Variants in EEFSEC observed in about 807,000 individuals in gnomAD.
EEFSEC encodes eukaryotic elongation factor, selenocysteine-tRNA specific.
EEFSEC carries 43 observed loss-of-function variants against 42.1 expected under a neutral mutation model. The observed-to-expected ratio is 1.02, with a 90% CI of 0.80 to 1.32. The LOEUF is 1.32. Ranked by LOEUF, EEFSEC falls within the 40% of genes most tolerant of loss-of-function variation. The pLI, the probability that EEFSEC is intolerant of heterozygous loss-of-function variation, is 0.00. For synonymous variants in EEFSEC, 354 were observed against 339.1 expected, an observed-to-expected ratio of 1.04 and a Z score of -0.48; for missense variants, 745 against 803.6, an observed-to-expected ratio of 0.93 and a Z score of 0.88.
intron 1 of EEFSEC, among the ~76,000 whole-genome samples, chr3:128,158,308 A>G (rs891335274): frequency 1.3e-5 from 2 of 152,252 alleles, no homozygotes; most frequent in African/African-American, 4.8e-5. Context: ...AGGATTTAGA[A>G]TATTACATAA....
intron 5 of EEFSEC, among the ~76,000 whole-genome samples, chr3:128,342,312 T>G (rs1240983890): frequency 1.3e-5 from 2 of 152,256 alleles, no homozygotes; most frequent in Non-Finnish European, 2.9e-5. Flanking sequence ...TCCATCCAGC[T>G]GGGATCTGCC....
intron 4 of EEFSEC, among the ~76,000 whole-genome samples, chr3:128,301,797 T>C (rs548931920): frequency 3.3e-5 from 5 of 152,136 alleles, no homozygotes; most frequent in African/African-American, 9.6e-5. Flanking sequence ...GACTTACACA[T>C]GTCGCAACAT....
chr3:128,264,598 A>G lies in EEFSEC; in HGVS notation c.622-19A>G. 1 of 1,611,668 alleles carries G rather than the reference A, an allele frequency of 6.2e-7. No individual in the cohort carries two copies. Among genetic ancestry groups the G allele is most frequent in the Non-Finnish European group, 8.5e-7 (1 of 1,178,586 alleles). ...GGCTCCTCTCCCCACGGACTGTGGC[A>G]CCAGTTTCTCTTTTCTAGCTCCTGA... On this transcript the variant is annotated intron_variant, in intron 3 of 6. Transcript: ENST00000254730.
rs538457285 is a variant in EEFSEC at position 128,341,387 on chromosome 3, C to T, written c.941C>T (p.Ala314Val). The change falls in exon 5 of 7, where the codon GCG becomes GTG. Residue 314 changes from alanine (A) to valine (V), a missense_variant. Coordinates refer to ENST00000254730, the MANE Select transcript of EEFSEC (RefSeq NM_021937.5). Reference sequence around the variant, plus strand: ...CCCGAGTCCCTGCACACTGTCCATGCGGCCCTCATCTCTGTGGAAAAGATA... The same window carrying T: ...CCCGAGTCCCTGCACACTGTCCATGTGGCCCTCATCTCTGTGGAAAAGATA... ...CAPESLHTVH[A>V]ALISVEKIPY... 1.2e-5 allele frequency: 20 copies of T among 1,614,174 alleles called. No individual in the cohort carries two copies. The East Asian group carries it at 1.3e-4, about 11-fold the overall frequency.
At chr3:128,228,240 G>A (rs2065927177) in intron 1 of EEFSEC, among the ~76,000 whole-genome samples, 1 of 152,174 alleles carries the variant, frequency 6.6e-6, no homozygotes, top group Non-Finnish European at 1.5e-5. Context: ...AGGAGCTTGG[G>A]AGTCACAAAC....
chr3:128,278,822 G>A (rs1035184063), intron 4 of EEFSEC, among the ~76,000 whole-genome samples: 3 of 152,210 alleles, frequency 2.0e-5, no homozygotes, highest in African/African-American at 7.2e-5. Context: ...AAGCTGCCCA[G>A]CCTGCATGGT....
Position 128,153,609 on chromosome 3 carries a change from C to A in EEFSEC, c.102C>A (p.Ala34=). The stretch of plus-strand genomic sequence containing the variant: ...CGCTAAGCACCACAGCCTCCACCGC[C>A]GCCTTTGACAAGCAGCCGCAGAGCC... ...ARALSTTAST[A]AFDKQPQSRE... The change falls in exon 1 of 7, where the codon GCC becomes GCA. Residue 34 remains alanine (A), a synonymous_variant. Transcript: ENST00000254730. 4 of 1,595,446 alleles carry A rather than the reference C, an allele frequency of 2.5e-6. No individual in the cohort carries two copies. The highest frequency in any genetic ancestry group is 3.4e-6 in the Non-Finnish European group (4 of 1,176,764).
chr3:128,327,641 A>G (rs2067079695), intron 4 of EEFSEC, among the ~76,000 whole-genome samples: 1 of 152,198 alleles, frequency 6.6e-6, no homozygotes, highest in African/African-American at 2.4e-5. Flanking sequence ...AAGGCATTCC[A>G]CATGGATAAA....
At chr3:128,308,601 C>T (rs1050812653) in intron 4 of EEFSEC, among the ~76,000 whole-genome samples, 4 of 152,220 alleles carry the variant, frequency 2.6e-5, no homozygotes, top group African/African-American at 9.6e-5. Flanking sequence ...AGCTTTTAAA[C>T]ATTTTTAGCT....
chr3:128,167,060 G>A (rs1318988469), intron 1 of EEFSEC, among the ~76,000 whole-genome samples: 1 of 152,126 alleles, frequency 6.6e-6, no homozygotes, highest in Non-Finnish European at 1.5e-5. Context: ...ACTCCAGGCC[G>A]AATGAACCAC....
intron 6 of EEFSEC, among the ~76,000 whole-genome samples, chr3:128,369,862 G>A (rs1164873636): frequency 6.6e-6 from 1 of 152,158 alleles, no homozygotes; most frequent in African/African-American, 2.4e-5. Flanking sequence ...GTTCCTCCTG[G>A]TGCTGCTGCT....
intron 4 of EEFSEC, among the ~76,000 whole-genome samples, chr3:128,286,495 TG>T (rs1325973218): frequency 6.6e-6 from 1 of 152,262 alleles, no homozygotes; most frequent in Non-Finnish European, 1.5e-5. Flanking sequence ...TTTTATACTT[TG>T]GGTTATAATC....
intron 2 of EEFSEC, among the ~76,000 whole-genome samples, chr3:128,250,957 A>G (rs1380706462): frequency 9.1e-5 from 10 of 109,986 alleles, no homozygotes; most frequent in Admixed American, 6.8e-4. Flanking sequence ...TTTAGCGTAC[A>G]AGGCTTTTGT....
In EEFSEC at chr3:128,233,125, T is replaced by A. The variant is rs530677709; in HGVS notation, c.317-13711T>A. 6.2e-4 allele frequency among the ~76,000 whole-genome samples: 94 copies of A among 152,334 alleles called. 1 individual carries two copies. The Middle Eastern group carries it at 0.01, about 17-fold the overall frequency. On this transcript the variant is annotated intron_variant, in intron 1 of 6. Coordinates refer to ENST00000254730, the MANE Select transcript of EEFSEC (RefSeq NM_021937.5). Reference sequence around the variant, plus strand: ...GTTTTCTTCCAGTCCCTGGATTTAGTGCCAGCACACCTTTCCCCTACCTCT... The same window carrying A: ...GTTTTCTTCCAGTCCCTGGATTTAGAGCCAGCACACCTTTCCCCTACCTCT...
the EEFSEC span, among the ~76,000 whole-genome samples, chr3:128,413,831 G>A: frequency 2.6e-5 from 4 of 152,184 alleles, no homozygotes; most frequent in Non-Finnish European, 5.9e-5. Flanking sequence ...CCCAGCATCC[G>A]TCTCCCCTGC....
intron 5 of EEFSEC, among the ~76,000 whole-genome samples, chr3:128,345,880 C>T (rs753094683): frequency 6.6e-6 from 1 of 152,238 alleles, no homozygotes; most frequent in South Asian, 2.1e-4. Flanking sequence ...TGTGCTCCTA[C>T]GTTTGTGCCA....
chr3:128,355,609 T>TA (rs5852542), intron 5 of EEFSEC, among the ~76,000 whole-genome samples: 5,930 of 122,610 alleles, frequency 0.048, 120 homozygotes, highest in South Asian at 0.052. Flanking sequence ...AATGAAGCTG[T>TA]AAAAAAAAAA....
the EEFSEC span, among the ~76,000 whole-genome samples, chr3:128,420,496 G>T: frequency 5.3e-5 from 8 of 152,146 alleles, 1 homozygote; most frequent in African/African-American, 1.9e-4. Flanking sequence ...AGGTGTGGGC[G>T]CCCTGCTCAG....
At chr3:128,298,005 T>A (rs2066727215) in intron 4 of EEFSEC, among the ~76,000 whole-genome samples, 1 of 152,210 alleles carries the variant, frequency 6.6e-6, no homozygotes. Flanking sequence ...ACATGTGCCC[T>A]CAGGCAGGGA....
Sources: allele counts gnomAD v4.1 joint callset (sites outside exome capture counted in the v4.1 genomes callset), GRCh38; gene constraint gnomAD v4.1.1; transcripts MANE v1.5; gene names NCBI Gene and HGNC (gene_info 2026-07-23, HGNC 2026-07-21).